The following ZNF226 variants were observed in gnomAD, a reference collection of about 807,000 sequenced individuals.
ZNF226 encodes Kruppel-associated box protein.
In ZNF226, 6 loss-of-function variants were observed where a neutral mutation model predicts 11.4. The observed-to-expected ratio is 0.53, with a 90% CI of 0.29 to 1.04. The LOEUF is 1.04. Ranked by LOEUF, ZNF226 falls within the 50% of genes least tolerant of loss-of-function variation. The pLI is 0.08. For missense variants in ZNF226, 1,058 were observed against 956.5 expected (o/e 1.11, Z -1.40); for synonymous variants, 350 against 322.8 (o/e 1.08, Z -0.90).
the ZNF226 span, among the ~76,000 whole-genome samples, chr19:44,189,572 A>T: frequency 6.6e-6 from 1 of 152,226 alleles, no homozygotes; most frequent in South Asian, 2.1e-4. Context: ...GAATATTTTT[A>T]AAGTTGGACT....
rs868410008 is a variant in ZNF226, at chr19:44,175,755, C to T, written c.493C>T (p.Pro165Ser). 1 of 1,613,374 alleles carries T rather than the reference C, an allele frequency of 6.2e-7. No individual in the cohort carries two copies. Among genetic ancestry groups the T allele is most frequent in the Non-Finnish European group, 8.5e-7 (1 of 1,179,626 alleles). Reference sequence around the variant, plus strand: ...CAATAATACTGGGAATCCAGAGTTTCCTATCTTGAGAACCCAGGATTCTTG... The same window carrying T: ...CAATAATACTGGGAATCCAGAGTTTTCTATCTTGAGAACCCAGGATTCTTG... ...GPNNTGNPEF[P>S]ILRTQDSWRK... is the part of the protein sequence containing the mutation. Residue 165 changes from proline (P) to serine (S), a missense_variant, in exon 6 of 6, where the codon CCT becomes TCT. Coordinates refer to ENST00000337433, the MANE Select transcript of ZNF226 (RefSeq NM_001032373.2).
At position 44,177,037 on chromosome 19, in the gene ZNF226, G is replaced by A. The variant is rs370423984; in HGVS notation, c.1775G>A (p.Cys592Tyr). 17 of 1,614,010 alleles carry A rather than the reference G, an allele frequency of 1.1e-5. No homozygotes were observed. The highest frequency in any genetic ancestry group is 1.4e-5 in the Non-Finnish European group (17 of 1,180,012). Residue 592 changes from cysteine (C) to tyrosine (Y), a missense_variant, in exon 6 of 6, where the codon TGT becomes TAT. Physicochemically the swap from Cys to Tyr is radical, Grantham distance 194. Transcript: ENST00000337433. ...GAGAAACCATACAAATGTGAAGAGT[G>A]TGGCAAGGGATTTAGTCGTAGAGCA... The part of the protein sequence containing the change: ...TGEKPYKCEE[C>Y]GKGFSRRADL...
At chr19:44,168,751 G>GT (rs750497334) in intron 2 of ZNF226, among the ~76,000 whole-genome samples, 2 of 151,984 alleles carry the variant, frequency 1.3e-5, no homozygotes, top group South Asian at 2.1e-4. Flanking sequence ...TCTCAACTTT[G>GT]TTTTTTTGGA....
intron 5 of ZNF226, chr19:44,175,111 C>T: frequency 6.3e-7 from 1 of 1,586,558 alleles, no homozygotes; most frequent in South Asian, 1.2e-5. Context: ...TATATGCATA[C>T]ATTCCTTGAG....
intron 2 of ZNF226, among the ~76,000 whole-genome samples, chr19:44,168,746 A>C (rs1229457433): frequency 6.6e-6 from 1 of 152,138 alleles, no homozygotes; most frequent in African/African-American, 2.4e-5. Flanking sequence ...AGTGGTCTCA[A>C]CTTTGTTTTT....
intron 2 of ZNF226, among the ~76,000 whole-genome samples, chr19:44,169,131 C>T (rs1483822790): frequency 6.7e-6 from 1 of 149,184 alleles, no homozygotes; most frequent in African/African-American, 2.5e-5. Context: ...GCCTCAGCTT[C>T]CCAAGTAGCT....
chr19:44,175,741 G>A lies in ZNF226; in HGVS notation c.479G>A (p.Gly160Glu). Residue 160 changes from glycine to glutamate, a missense_variant, in exon 6 of 6, where the codon GGG becomes GAG. By Grantham distance (98) the Gly-to-Glu change is moderately conservative (BLOSUM62 -2). Coordinates refer to ENST00000337433, the MANE Select transcript of ZNF226 (RefSeq NM_001032373.2). ...VNKADGPNNT[G>E]NPEFPILRTQ... The stretch of plus-strand genomic sequence containing the variant: ...AAAGCAGATGGTCCCAATAATACTG[G>A]GAATCCAGAGTTTCCTATCTTGAGA... 6.2e-7 allele frequency: 1 copy of A among 1,612,746 alleles called. No individual in the cohort carries two copies. The highest frequency in any genetic ancestry group is 1.1e-5 in the South Asian group (1 of 90,864).
At chr19:44,170,238 T>G in intron 3 of ZNF226, 143 bp downstream of exon 3, 1 of 702,722 alleles carries the variant, frequency 1.4e-6, no homozygotes, top group Non-Finnish European at 2.2e-6. Context: ...TCCGTTTGAG[T>G]TTAGCTGGTT....
chr19:44,173,265 C>T (rs539129920), intron 5 of ZNF226: 4 of 436,866 alleles, frequency 9.2e-6, no homozygotes, highest in African/African-American at 8.1e-5. Context: ...TTTCATCCCC[C>T]ACTACCTCTC....
rs1176430347 is a variant in ZNF226 at position 44,177,259 on chromosome 19, C to A, written c.1997C>A (p.Thr666Asn). The stretch of plus-strand genomic sequence containing the variant: ...CTTCAAGCCCATCAAAAAGTCCACA[C>A]TGGAGATAAGCCATACAAATGTGAT... Reference protein sequence around the residue: ...AHLQAHQKVHTGDKPYKCDEC... With the variant: ...AHLQAHQKVHNGDKPYKCDEC... Residue 666 changes from threonine to asparagine, a missense_variant, in exon 6 of 6, where the codon ACT becomes AAT. Thr to Asn is a moderately conservative substitution (Grantham distance 65, BLOSUM62 0). Transcript: ENST00000337433. The A allele has an allele frequency of 6.2e-7, 1 of 1,613,986 alleles. No individual in the cohort carries two copies. Among genetic ancestry groups the A allele is most frequent in the African/African-American group, 1.3e-5 (1 of 74,874 alleles).
chr19:44,190,617 G>A, the ZNF226 span, among the ~76,000 whole-genome samples: 1 of 152,176 alleles, frequency 6.6e-6, no homozygotes, highest in African/African-American at 2.4e-5. Flanking sequence ...TTACAGGTGT[G>A]AGCCACCGTG....
the ZNF226 span, among the ~76,000 whole-genome samples, chr19:44,190,002 A>G: frequency 1.3e-5 from 2 of 152,210 alleles, no homozygotes; most frequent in African/African-American, 4.8e-5. Context: ...AAATTAGATT[A>G]GGGAACCTAG....
chr19:44,197,238 A>G, the ZNF226 span, among the ~76,000 whole-genome samples: 5 of 152,252 alleles, frequency 3.3e-5, no homozygotes, highest in Non-Finnish European at 5.9e-5. Flanking sequence ...TCTGCTTGCT[A>G]GAAGTGGAAT....
chr19:44,182,386 T>C (rs892319886), downstream of ZNF226, among the ~76,000 whole-genome samples: 32 of 151,648 alleles, frequency 2.1e-4, no homozygotes, highest in Non-Finnish European at 4.3e-4. Context: ...CACACACACC[T>C]CAGTTATAAC....
chr19:44,172,962 A>T lies in ZNF226; in HGVS notation c.235+10A>T. The T allele has an allele frequency of 6.3e-7, 1 of 1,582,534 alleles. No homozygotes were observed. The highest frequency in any genetic ancestry group is 1.2e-5 in the South Asian group (1 of 86,340). On this transcript the variant is annotated intron_variant, in intron 5 of 5. Coordinates refer to ENST00000337433, the MANE Select transcript of ZNF226 (RefSeq NM_001032373.2). ...AGACAGGGAAATTTAGGTAAAAACC[A>T]AACAGTTATGAGTTCTTATAGTTAA...
At chr19:44,174,905 A>C in intron 5 of ZNF226, 1 of 1,361,464 alleles carries the variant, frequency 7.3e-7, no homozygotes, top group South Asian at 1.3e-5. Context: ...GCAATAACTC[A>C]CTTGGTGTAC....
chr19:44,187,373 C>T, the ZNF226 span, among the ~76,000 whole-genome samples: 3 of 151,902 alleles, frequency 2.0e-5, no homozygotes, highest in South Asian at 6.2e-4. The surrounding 1 kb of genome is among the most constrained non-coding windows in gnomAD (Gnocchi z 4.0). Flanking sequence ...CCTAGTTTAT[C>T]CATTTCTTCT....
At chr19:44,189,870 T>G in the ZNF226 span, among the ~76,000 whole-genome samples, 1 of 152,212 alleles carries the variant, frequency 6.6e-6, no homozygotes, top group Non-Finnish European at 1.5e-5. Flanking sequence ...TTGGTGAACT[T>G]TCTGCATGAC....
chr19:44,177,020 A>C lies in ZNF226; in HGVS notation c.1758A>C (p.Pro586=). ...IHQLIHTGEK[P]YKCEECGKGF... ...AGCTGATCCATACGGGTGAGAAACC[A>C]TACAAATGTGAAGAGTGTGGCAAGG... Residue 586 remains proline (P), a synonymous_variant, in exon 6 of 6, where the codon CCA becomes CCC. Coordinates refer to ENST00000337433, the MANE Select transcript of ZNF226 (RefSeq NM_001032373.2). 6.2e-7 allele frequency: 1 copy of C among 1,614,108 alleles called. No individual in the cohort carries two copies. Among genetic ancestry groups the C allele is most frequent in the Non-Finnish European group, 8.5e-7 (1 of 1,179,960 alleles).
Sources: allele counts gnomAD v4.1 joint callset (sites outside exome capture counted in the v4.1 genomes callset), GRCh38; gene constraint gnomAD v4.1.1; non-coding constraint Gnocchi (gnomAD v3.1); transcripts MANE v1.5; gene names NCBI Gene and HGNC (gene_info 2026-07-23, HGNC 2026-07-21).